SDK1: variants seen among roughly 807,000 people sequenced by gnomAD.
The protein encoded by SDK1 is sidekick cell adhesion molecule 1, also known as protein sidekick-1.
Under a neutral mutation model 245.5 loss-of-function variants are expected in SDK1, and 157 were observed. The ratio of observed to expected loss-of-function variants is 0.64; its 90% confidence interval spans 0.56 to 0.73. The LOEUF is 0.73. Ranked by LOEUF, SDK1 falls within the 30% of genes least tolerant of loss-of-function variation. The pLI, the probability that SDK1 is intolerant of heterozygous loss-of-function variation, is 0.00. For synonymous variants in SDK1, 1,647 were observed against 1,278.5 expected (o/e 1.29, Z -6.15); for missense variants, 3,583 against 3,002.3 (o/e 1.19, Z -4.52).
At chr7:3,358,322 C>T (rs1457971257) in intron 1 of SDK1, among the ~76,000 whole-genome samples, 1 of 152,112 alleles carries the variant, frequency 6.6e-6, no homozygotes, top group Non-Finnish European at 1.5e-5. Context: ...ATGCCCAGCC[C>T]TCATTCATTT....
Position 3,619,316 on chromosome 7 carries a change from C to T in SDK1, c.458+77C>T, listed in dbSNP as rs1389461151. Reference sequence around the variant, plus strand: ...ATACTTGCCTTACTGGTCATAATAGCACAATGAGTGAAAATATTGGATTGA... The same window carrying T: ...ATACTTGCCTTACTGGTCATAATAGTACAATGAGTGAAAATATTGGATTGA... On this transcript the variant is annotated intron_variant, in intron 2 of 44. Transcript: ENST00000404826. The T allele has an allele frequency of 3.3e-6, 4 of 1,209,108 alleles. No individual in the cohort carries two copies. In the Admixed American group the frequency reaches 5.9e-5, roughly 18 times the overall value. The allele number at this position is 1,209,108 out of a possible 1,614,324, so 74.9% of individuals were successfully genotyped here. A position where few individuals can be genotyped will look rare whatever the true frequency, so the allele number is the denominator to read the frequency against.
intron 41 of SDK1, among the ~76,000 whole-genome samples, chr7:4,234,122 C>T (rs564839097): frequency 6.6e-6 from 1 of 152,346 alleles, no homozygotes; most frequent in Non-Finnish European, 1.5e-5. Flanking sequence ...GAGGTCACGT[C>T]TTCCTGGGAC....
chr7:3,988,104 T>A (rs1784014664), intron 14 of SDK1, among the ~76,000 whole-genome samples: 1 of 151,202 alleles, frequency 6.6e-6, no homozygotes, highest in Non-Finnish European at 1.5e-5. Flanking sequence ...CCAGCTTAAC[T>A]TCTTCCCACT....
intron 4 of SDK1, among the ~76,000 whole-genome samples, chr7:3,728,683 G>A (rs549908940): frequency 3.2e-4 from 48 of 152,274 alleles, no homozygotes; most frequent in Admixed American, 1.6e-3. Flanking sequence ...TCAGCTTACT[G>A]TATCCTCCAC....
rs1036351109 is a variant in SDK1 at position 3,787,129 on chromosome 7, A to C, written c.714-34321A>C. On this transcript the variant is annotated intron_variant, in intron 4 of 44. Transcript: ENST00000404826. Reference sequence around the variant, plus strand: ...GTCACTAAAATTCTTTATTCCAGAAAAGACTTAGTATTGAAATCACACACA... The same window carrying C: ...GTCACTAAAATTCTTTATTCCAGAACAGACTTAGTATTGAAATCACACACA... Among the ~76,000 whole-genome samples, 3 of 149,070 alleles carry C rather than the reference A, an allele frequency of 2.0e-5. No individual in the cohort carries two copies. In the Admixed American group the frequency reaches 2.0e-4, roughly 10 times the overall value.
At chr7:3,883,427 A>G (rs1781254925) in intron 5 of SDK1, among the ~76,000 whole-genome samples, 1 of 152,156 alleles carries the variant, frequency 6.6e-6, no homozygotes, top group Admixed American at 6.5e-5. Flanking sequence ...CCGCACATGA[A>G]TCCAGCTGTG....
intron 30 of SDK1, 80 bp downstream of exon 30, chr7:4,149,543 G>A: frequency 1.0e-6 from 1 of 974,312 alleles, no homozygotes; most frequent in Non-Finnish European, 1.4e-6. Flanking sequence ...ATAGTGGGGA[G>A]GCTGTGTGGG....
At chr7:3,458,562 A>C (rs1780737808) in intron 1 of SDK1, among the ~76,000 whole-genome samples, 1 of 149,902 alleles carries the variant, frequency 6.7e-6, no homozygotes. Flanking sequence ...TACCTTTTCT[A>C]AGGTAACAGT....
intron 4 of SDK1, among the ~76,000 whole-genome samples, chr7:3,652,437 C>G (rs1783038946): frequency 6.6e-6 from 1 of 152,212 alleles, no homozygotes; most frequent in Non-Finnish European, 1.5e-5. Context: ...CATGCGGTGG[C>G]CCCTCATGGC....
At chr7:3,552,046 CT>C (rs533658017) in intron 1 of SDK1, among the ~76,000 whole-genome samples, 23 of 147,718 alleles carry the variant, frequency 1.6e-4, no homozygotes, top group Non-Finnish European at 2.4e-4. Context: ...TCTTCTTCTT[CT>C]TTTTTTTTTG....
In SDK1 at chr7:3,536,749, A is replaced by G. The variant is rs147602517; in HGVS notation, c.299-82331A>G. On this transcript the variant is annotated intron_variant, in intron 1 of 44. Coordinates refer to ENST00000404826, the MANE Select transcript of SDK1 (RefSeq NM_152744.4). ...TATGCATTGAAAAGTGTCTGAAAGTAAATAAAGCAAATGTTAACAATACTT... is the reference window on the plus strand; with the variant it reads ...TATGCATTGAAAAGTGTCTGAAAGTGAATAAAGCAAATGTTAACAATACTT... 3.2e-3 allele frequency among the ~76,000 whole-genome samples: 480 copies of G among 152,228 alleles called. 1 individual carries two copies. Among genetic ancestry groups the G allele is most frequent in the African/African-American group, 0.011 (464 of 41,542 alleles).
At chr7:4,075,326 G>A (rs940386812) in intron 20 of SDK1, among the ~76,000 whole-genome samples, 2 of 152,166 alleles carry the variant, frequency 1.3e-5, no homozygotes, top group African/African-American at 4.8e-5. Context: ...AGCAGTTTAC[G>A]ACATTAAATT....
chr7:3,922,214 C>T (rs929960671), intron 5 of SDK1, among the ~76,000 whole-genome samples: 6 of 150,888 alleles, frequency 4.0e-5, no homozygotes, highest in African/African-American at 9.9e-5. Flanking sequence ...CAGATTCCCA[C>T]CAGTCCTGAG....
chr7:4,188,851 A>G (rs1348474995), intron 35 of SDK1, among the ~76,000 whole-genome samples: 3 of 152,188 alleles, frequency 2.0e-5, no homozygotes, highest in Admixed American at 6.5e-5. Flanking sequence ...ATCATGGTTT[A>G]AATTCTTACA....
intron 4 of SDK1, among the ~76,000 whole-genome samples, chr7:3,712,047 T>C (rs1205542053): frequency 6.6e-6 from 1 of 152,144 alleles, no homozygotes; most frequent in East Asian, 1.9e-4. Flanking sequence ...ATCCAGTGCT[T>C]GGAGAAAAGC....
At chr7:3,343,467 A>G (rs1441064237) in intron 1 of SDK1, among the ~76,000 whole-genome samples, 1 of 152,216 alleles carries the variant, frequency 6.6e-6, no homozygotes, top group Non-Finnish European at 1.5e-5. Context: ...CTAGAACTGG[A>G]TTAGTGGCTT....
At chr7:3,499,746 G>T (rs1041770669) in intron 1 of SDK1, among the ~76,000 whole-genome samples, 14 of 152,120 alleles carry the variant, frequency 9.2e-5, no homozygotes, top group Non-Finnish European at 1.8e-4. Flanking sequence ...GTTTTTCCCT[G>T]GAGTTTACCA....
At chr7:3,504,627 A>AT (rs1201727773) in intron 1 of SDK1, among the ~76,000 whole-genome samples, 1 of 152,162 alleles carries the variant, frequency 6.6e-6, no homozygotes, top group Non-Finnish European at 1.5e-5. Context: ...GAATGTTTAG[A>AT]TCCCTACCTC....
chr7:3,644,755 A>G (rs1782767674), intron 4 of SDK1, among the ~76,000 whole-genome samples: 1 of 133,902 alleles, frequency 7.5e-6, no homozygotes, highest in South Asian at 2.9e-4. Context: ...CCTGGGTGAC[A>G]GAGCAAGACC....
Sources: gnomAD v4.1 joint callset for allele counts (sites outside exome capture counted in the v4.1 genomes callset) on GRCh38, gnomAD v4.1.1 for gene constraint, MANE v1.5 for transcripts, NCBI Gene and HGNC (gene_info 2026-07-23, HGNC 2026-07-21) for gene names.